Variants in CSMD3 observed in about 807,000 individuals in gnomAD.
CSMD3 encodes the protein CUB and Sushi multiple domains 3.
Under a neutral mutation model 435.2 loss-of-function variants are expected in CSMD3, and 177 were observed. The observed-to-expected ratio is 0.41, with a 90% confidence interval of 0.36 to 0.46. CSMD3 has a LOEUF of 0.46. Among genes scored for constraint, CSMD3 ranks in the 20% least tolerant of loss-of-function variants. The pLI, the probability that CSMD3 is intolerant of heterozygous loss-of-function variation, is 0.34. For synonymous variants in CSMD3, 1,656 were observed against 1,520.5 expected, an observed-to-expected ratio of 1.09 and a Z score of -2.07; for missense variants, 4,265 against 4,504.6, an observed-to-expected ratio of 0.95 and a Z score of 1.52.
intron 5 of CSMD3, among the ~76,000 whole-genome samples, chr8:113,058,163 C>A (rs1271831490): frequency 3.3e-5 from 5 of 151,800 alleles, no homozygotes; most frequent in Non-Finnish European, 1.5e-5. Flanking sequence ...TACACAGCTT[C>A]TTTCAAATAA....
In CSMD3 at chr8:113,169,507, C is replaced by T. The variant is rs2092227714; in HGVS notation, c.709+4215G>A. On this transcript the variant is annotated intron_variant, in intron 4 of 70. Coordinates refer to ENST00000297405, the MANE Select transcript of CSMD3 (RefSeq NM_198123.2). ...TTCTTTCTTTTTGGCCACAAATATA[C>T]TCAAATCATCAATACAATATACCAC... Among the ~76,000 whole-genome samples, 6 of 152,106 alleles carry T rather than the reference C, an allele frequency of 3.9e-5. No homozygotes were observed. The South Asian group carries it at 1.0e-3, about 26-fold the overall frequency.
At position 112,336,618 on chromosome 8, in the gene CSMD3, A is replaced by G. The variant is rs201055276; in HGVS notation, c.7019+34T>C. ...CCAACCTTGTTTTACTGTGTATATA[A>G]TTGAATAAATCAATAACAATAGTCC... On this transcript the variant is annotated intron_variant, in intron 44 of 70. Coordinates refer to ENST00000297405, the MANE Select transcript of CSMD3 (RefSeq NM_198123.2). The G allele has an allele frequency of 7.4e-6, 11 of 1,478,926 alleles. No homozygotes were observed. In the Admixed American group the frequency reaches 1.3e-4, roughly 18 times the overall value. The allele number at this position is 1,478,926 out of a possible 1,614,324, so 91.6% of individuals were successfully genotyped here. A position where few individuals can be genotyped will look rare whatever the true frequency, so the allele number is the denominator to read the frequency against.
intron 17 of CSMD3, among the ~76,000 whole-genome samples, chr8:112,659,602 G>C (rs1167144180): frequency 6.6e-6 from 1 of 152,156 alleles, no homozygotes; most frequent in African/African-American, 2.4e-5. Context: ...AATACACTTT[G>C]AATGATGGAT....
At chr8:112,663,553 G>A (rs2075441732) in intron 17 of CSMD3, among the ~76,000 whole-genome samples, 1 of 151,692 alleles carries the variant, frequency 6.6e-6, no homozygotes, top group South Asian at 2.1e-4. Context: ...AAGTTAATGG[G>A]TGCAGCATAC....
chr8:112,589,292 C>A (rs1177485560), intron 22 of CSMD3, among the ~76,000 whole-genome samples: 1 of 152,062 alleles, frequency 6.6e-6, no homozygotes, highest in African/African-American at 2.4e-5. Context: ...TACTACTGGC[C>A]CTTGGCCACA....
At chr8:113,300,172 A>AC (rs1427741447) in intron 2 of CSMD3, among the ~76,000 whole-genome samples, 1 of 146,274 alleles carries the variant, frequency 6.8e-6, no homozygotes. Context: ...CAAAAAAAAA[A>AC]AAAAAACAAC....
intron 13 of CSMD3, among the ~76,000 whole-genome samples, chr8:112,784,285 T>C (rs2078478982): frequency 6.6e-6 from 1 of 151,822 alleles, no homozygotes; most frequent in African/African-American, 2.4e-5. Context: ...GCAATAGCAG[T>C]ACTAAAAGGA....
At chr8:112,815,372 C>T (rs1220457695) in intron 12 of CSMD3, among the ~76,000 whole-genome samples, 1 of 152,060 alleles carries the variant, frequency 6.6e-6, no homozygotes, top group East Asian at 1.9e-4. Flanking sequence ...ATTACTTTTA[C>T]AAATAGATTT....
At chr8:112,878,128 G>T (rs1469727527) in intron 10 of CSMD3, among the ~76,000 whole-genome samples, 2 of 152,052 alleles carry the variant, frequency 1.3e-5, no homozygotes, top group South Asian at 4.1e-4. Flanking sequence ...GAGTGAACAG[G>T]CAACCTATAG....
At chr8:113,213,553 A>G (rs2092865218) in intron 3 of CSMD3, among the ~76,000 whole-genome samples, 1 of 151,946 alleles carries the variant, frequency 6.6e-6, no homozygotes, top group South Asian at 2.1e-4. Flanking sequence ...GTCATTAGTG[A>G]AATCTACACA....
At chr8:112,922,916 G>A (rs1238076838) in intron 9 of CSMD3, among the ~76,000 whole-genome samples, 5 of 152,002 alleles carry the variant, frequency 3.3e-5, no homozygotes, top group East Asian at 1.9e-4. Context: ...TTTACATAAC[G>A]GTCAATTATC....
chr8:112,277,362 C>A (rs928489251), intron 59 of CSMD3, among the ~76,000 whole-genome samples: 1 of 152,148 alleles, frequency 6.6e-6, no homozygotes, highest in African/African-American at 2.4e-5. Flanking sequence ...TAAAACGTAG[C>A]AAGAGTCACC....
chr8:112,409,184 T>C (rs1401802467), intron 32 of CSMD3, 152 bp from the exon 33 acceptor site: 14 of 1,381,550 alleles, frequency 1.0e-5, no homozygotes, highest in East Asian at 7.5e-5. Flanking sequence ...TAGGTGCCAA[T>C]TGGTTGATAT....
At chr8:112,480,052 G>A (rs1428908313) in intron 31 of CSMD3, among the ~76,000 whole-genome samples, 2 of 152,220 alleles carry the variant, frequency 1.3e-5, no homozygotes, top group South Asian at 2.1e-4. Context: ...CCATAGAGGC[G>A]GGGCTGCCCA....
chr8:112,899,084 T>A (rs1325244981), intron 10 of CSMD3, among the ~76,000 whole-genome samples: 1 of 151,252 alleles, frequency 6.6e-6, no homozygotes, highest in African/African-American at 2.4e-5. Flanking sequence ...CTCGGACATG[T>A]ACACCATGAA....
At chr8:113,305,519 A>C (rs975420735) in intron 2 of CSMD3, among the ~76,000 whole-genome samples, 1 of 152,200 alleles carries the variant, frequency 6.6e-6, no homozygotes, top group Non-Finnish European at 1.5e-5. Context: ...TAAGGAACAA[A>C]GTGTTTAAAC....
At chr8:112,716,608 G>A (rs759482344) in intron 13 of CSMD3, among the ~76,000 whole-genome samples, 3 of 152,022 alleles carry the variant, frequency 2.0e-5, no homozygotes, top group South Asian at 2.1e-4. Flanking sequence ...TGAAGAGCCC[G>A]TATAGCCATG....
intron 13 of CSMD3, among the ~76,000 whole-genome samples, chr8:112,715,159 A>G (rs2076696271): frequency 6.6e-6 from 1 of 152,162 alleles, no homozygotes; most frequent in Non-Finnish European, 1.5e-5. Flanking sequence ...AAATTAACAA[A>G]ATAGATAGAC....
At chr8:112,489,302 G>A (rs1194042488) in intron 31 of CSMD3, among the ~76,000 whole-genome samples, 1 of 152,152 alleles carries the variant, frequency 6.6e-6, no homozygotes, top group Non-Finnish European at 1.5e-5. Context: ...GCACATGCCT[G>A]TAGTCCCAGA....
Sources: allele counts gnomAD v4.1 joint callset (sites outside exome capture counted in the v4.1 genomes callset), GRCh38; gene constraint gnomAD v4.1.1; transcripts MANE v1.5; gene names NCBI Gene and HGNC (gene_info 2026-07-23, HGNC 2026-07-21).